ST3GAL3: variants seen among roughly 807,000 people sequenced by gnomAD.
ST3GAL3 encodes the protein ST3 beta-galactoside alpha-2,3-sialyltransferase 3, also known as CMP-N-acetylneuraminate-beta-1,4-galactoside alpha-2,3-sialyltransferase.
A neutral mutation model predicts 50.1 loss-of-function variants in ST3GAL3; 21 were observed. The observed-to-expected ratio is 0.42, with a 90% CI of 0.30 to 0.60. The LOEUF (loss-of-function observed/expected upper bound fraction) is 0.60, where lower values mean the gene tolerates loss of function less well. Ranked by LOEUF, ST3GAL3 falls within the 20% of genes least tolerant of loss-of-function variation. The probability of loss-of-function intolerance (pLI) is 0.19; values close to 1 mark genes in which losing one functional copy is unlikely to be tolerated. For synonymous variants in ST3GAL3, 183 were observed against 190.0 expected, an observed-to-expected ratio of 0.96 and a Z score of 0.30; for missense variants, 353 against 489.4, an observed-to-expected ratio of 0.72 and a Z score of 2.63.
At chr1:43,753,225 T>C (rs1465332870) in intron 2 of ST3GAL3, among the ~76,000 whole-genome samples, 2 of 152,152 alleles carry the variant, frequency 1.3e-5, no homozygotes, top group African/African-American at 2.4e-5. Context: ...TGGGCATGAG[T>C]TAGAGCTGCT....
intron 9 of ST3GAL3, chr1:43,919,853 G>C (rs1185857015): frequency 5.6e-6 from 1 of 177,566 alleles, no homozygotes; most frequent in African/African-American, 2.4e-5. Flanking sequence ...AGAGCTTGTT[G>C]CCCAGTCACC....
At chr1:43,753,839 C>T (rs930326929) in intron 2 of ST3GAL3, among the ~76,000 whole-genome samples, 4 of 152,134 alleles carry the variant, frequency 2.6e-5, no homozygotes, top group Non-Finnish European at 5.9e-5. Context: ...AGGGCTGCAG[C>T]TGGGTTGAAG....
chr1:43,855,431 G>A (rs748217623), intron 5 of ST3GAL3, among the ~76,000 whole-genome samples: 1 of 152,030 alleles, frequency 6.6e-6, no homozygotes, highest in Non-Finnish European at 1.5e-5. Flanking sequence ...CCAACATGGC[G>A]AAACCCCATT....
intron 2 of ST3GAL3, chr1:43,743,683 G>T (rs1031743299): frequency 4.0e-6 from 1 of 248,994 alleles, no homozygotes; most frequent in Non-Finnish European, 8.0e-6. Flanking sequence ...AAGTACCATT[G>T]CCATGTTCCA....
intron 11 of ST3GAL3, among the ~76,000 whole-genome samples, chr1:43,925,746 A>C (rs1249860070): frequency 6.6e-6 from 1 of 152,208 alleles, no homozygotes. Context: ...GGGGATATGG[A>C]AGGGATGTCA....
chr1:43,716,960 C>G lies in ST3GAL3; in HGVS notation c.-31+9267C>G, dbSNP rs1431005111. 5.3e-5 allele frequency among the ~76,000 whole-genome samples: 8 copies of G among 152,282 alleles called. 1 individual carries two copies. In the South Asian group the frequency reaches 1.2e-3, roughly 24 times the overall value. The stretch of plus-strand genomic sequence containing the variant: ...CCAGTCAGTTCTCCATATTGCTACA[C>G]GAGCAACCTTTCTAAAACATAGATT... On this transcript the variant is annotated intron_variant, in intron 1 of 11. Transcript: ENST00000347631.
At chr1:43,707,943 C>G (rs994538098) in intron 1 of ST3GAL3, 1 of 152,372 alleles carries the variant, frequency 6.6e-6, no homozygotes, top group Non-Finnish European at 1.5e-5. Flanking sequence ...GGACGCAGGC[C>G]AGGAGGTCTG....
intron 2 of ST3GAL3, among the ~76,000 whole-genome samples, chr1:43,748,153 T>C (rs1178719427): frequency 2.6e-5 from 4 of 152,058 alleles, no homozygotes; most frequent in Non-Finnish European, 5.9e-5. Flanking sequence ...TATATAACAA[T>C]ATCACACAAT....
chr1:43,829,965 C>G (rs1433676224), intron 4 of ST3GAL3, among the ~76,000 whole-genome samples: 2 of 138,042 alleles, frequency 1.4e-5, no homozygotes, highest in African/African-American at 5.3e-5. Flanking sequence ...GCATATATTG[C>G]AAAGCAACCC....
intron 4 of ST3GAL3, among the ~76,000 whole-genome samples, chr1:43,816,651 G>A (rs1460383835): frequency 6.6e-6 from 1 of 152,218 alleles, no homozygotes; most frequent in African/African-American, 2.4e-5. Context: ...GTCTTCAGCA[G>A]TGAAAGGAGG....
chr1:43,875,941 CTTCTTCTTCTTATTATTA>C (rs747975463), intron 5 of ST3GAL3, among the ~76,000 whole-genome samples: 1,837 of 45,584 alleles, frequency 0.04, 16 homozygotes, highest in Non-Finnish European at 0.046. Context: ...TCTTCTTCTT[CTTCTTCTTCTTATTATTA>C]TTATTATTAT....
At chr1:43,824,728 C>T in intron 4 of ST3GAL3, 1 of 1,613,982 alleles carries the variant, frequency 6.2e-7, no homozygotes, top group East Asian at 2.2e-5. Context: ...TCCCACTTTG[C>T]AGCTCACCGA....
At chr1:43,889,247 A>G (rs1016358798) in intron 5 of ST3GAL3, among the ~76,000 whole-genome samples, 10 of 151,408 alleles carry the variant, frequency 6.6e-5, no homozygotes. Context: ...TCATTTATTT[A>G]CTTATATCAA....
At chr1:43,736,156 C>A in intron 1 of ST3GAL3, 77 bp from the exon 2 acceptor site, 1 of 1,363,472 alleles carries the variant, frequency 7.3e-7, no homozygotes, top group Non-Finnish European at 1.0e-6. Flanking sequence ...GAAATTCTCT[C>A]TATAGATACT....
At chr1:43,852,281 G>C (rs1405365416) in intron 5 of ST3GAL3, among the ~76,000 whole-genome samples, 8 of 152,192 alleles carry the variant, frequency 5.3e-5, no homozygotes, top group Admixed American at 5.2e-4. Context: ...TAGGTCCAAA[G>C]GAACTCAGAT....
chr1:43,729,794 A>G (rs573381378), intron 1 of ST3GAL3, among the ~76,000 whole-genome samples: 1 of 152,388 alleles, frequency 6.6e-6, no homozygotes. Flanking sequence ...AAATAGTGCT[A>G]CAATAAGTGG....
intron 4 of ST3GAL3, among the ~76,000 whole-genome samples, chr1:43,834,833 C>T (rs1384348293): frequency 2.0e-5 from 3 of 152,196 alleles, no homozygotes; most frequent in African/African-American, 7.2e-5. Flanking sequence ...TTCCACTGCA[C>T]ATGGGGAAGT....
At chr1:43,838,978 T>A (rs1469456246) in intron 5 of ST3GAL3, 1 of 157,186 alleles carries the variant, frequency 6.4e-6, no homozygotes, top group African/African-American at 2.4e-5. Flanking sequence ...GGTCATTTCG[T>A]TCCTTCTGAT....
chr1:43,725,127 C>T (rs1053697599), intron 1 of ST3GAL3, among the ~76,000 whole-genome samples: 15 of 152,188 alleles, frequency 9.9e-5, no homozygotes, highest in African/African-American at 3.6e-4. Context: ...AGGATGTGTC[C>T]AAATCGCTGT....
Sources: gnomAD v4.1 joint callset for allele counts (sites outside exome capture counted in the v4.1 genomes callset) on GRCh38, gnomAD v4.1.1 for gene constraint, MANE v1.5 for transcripts, NCBI Gene and HGNC (gene_info 2026-07-23, HGNC 2026-07-21) for gene names.